DTNA: variants seen among roughly 807,000 people sequenced by gnomAD.
The protein encoded by DTNA is dystrobrevin alpha.
DTNA carries 43 observed loss-of-function variants against 100.7 expected under a neutral mutation model. The observed-to-expected ratio is 0.43, with a 90% CI of 0.33 to 0.55. The LOEUF is 0.55. DTNA is among the 20% of genes least tolerant of loss of function. The pLI is 0.04. For synonymous variants in DTNA, 349 were observed against 347.9 expected, an observed-to-expected ratio of 1.00 and a Z score of -0.04; for missense variants, 798 against 953.9, an observed-to-expected ratio of 0.84 and a Z score of 2.15.
At chr18:34,615,446 A>G (rs1379129236) in intron 1 of DTNA, among the ~76,000 whole-genome samples, 4 of 152,180 alleles carry the variant, frequency 2.6e-5, no homozygotes, top group African/African-American at 9.7e-5. Context: ...ACCTTCAGCA[A>G]CTATTACCCT....
At chr18:34,738,137 TG>T (rs2089986944) in intron 1 of DTNA, among the ~76,000 whole-genome samples, 1 of 152,222 alleles carries the variant, frequency 6.6e-6, no homozygotes. Context: ...GAGGCACATA[TG>T]AGTGAACACA....
chr18:34,828,458 C>G (rs117945601), intron 10 of DTNA, among the ~76,000 whole-genome samples: 277 of 152,152 alleles, frequency 1.8e-3, no homozygotes, highest in Non-Finnish European at 2.8e-3. Flanking sequence ...TGCCTTTCAG[C>G]AGAAAAAAAG....
rs200190237 is a variant in DTNA, at chr18:34,829,004, C to A, written c.1086-396C>A. 2,407 of 1,612,980 alleles carry A rather than the reference C, an allele frequency of 1.5e-3. 5 individuals are homozygous for A. The highest frequency in any genetic ancestry group is 7.3e-3 in the Middle Eastern group (44 of 6,062). On this transcript the variant is annotated intron_variant, in intron 10 of 22. Transcript: ENST00000444659. ...TCTGCAAATATCAAGCAGAGGTAGACCCCATCCTTACTGAAGGTCATTTTA... is the reference window on the plus strand; with the variant it reads ...TCTGCAAATATCAAGCAGAGGTAGAACCCATCCTTACTGAAGGTCATTTTA...
intron 1 of DTNA, among the ~76,000 whole-genome samples, chr18:34,592,500 A>ACG (rs1387934829): frequency 1.1e-4 from 17 of 151,286 alleles, no homozygotes; most frequent in African/African-American, 3.9e-4. Flanking sequence ...ACACACACAC[A>ACG]CACACATTTT....
At chr18:34,504,724 G>A (rs1232817909) in intron 1 of DTNA, among the ~76,000 whole-genome samples, 1 of 152,026 alleles carries the variant, frequency 6.6e-6, no homozygotes, top group Non-Finnish European at 1.5e-5. Context: ...TTTCTTCTTT[G>A]GTAAAGTAGC....
chr18:34,523,398 T>A (rs74642502), intron 1 of DTNA, among the ~76,000 whole-genome samples: 2 of 152,058 alleles, frequency 1.3e-5, no homozygotes, highest in African/African-American at 4.8e-5. Flanking sequence ...TACTTTAATA[T>A]CACCTGTGTA....
At chr18:34,730,017 C>G (rs927950992) in intron 1 of DTNA, among the ~76,000 whole-genome samples, 2 of 152,128 alleles carry the variant, frequency 1.3e-5, no homozygotes, top group Admixed American at 6.6e-5. Context: ...CATCTCTCCA[C>G]AGTTCCAAGG....
intron 1 of DTNA, among the ~76,000 whole-genome samples, chr18:34,617,761 G>GGTATCTAC (rs2055609616): frequency 6.6e-6 from 1 of 151,966 alleles, no homozygotes; most frequent in South Asian, 2.1e-4. Flanking sequence ...TTTTAATTAA[G>GGTATCTAC]GTATCTACAT....
chr18:34,861,529 A>T (rs569380524), intron 16 of DTNA, among the ~76,000 whole-genome samples: 1 of 151,384 alleles, frequency 6.6e-6, no homozygotes, highest in East Asian at 1.9e-4. Flanking sequence ...GTAGGTTTTA[A>T]CACACATATA....
chr18:34,537,766 A>G (rs1025062312), intron 1 of DTNA, among the ~76,000 whole-genome samples: 1 of 151,986 alleles, frequency 6.6e-6, no homozygotes, highest in African/African-American at 2.4e-5. Context: ...GAGGAATAAG[A>G]TGGGGAAATG....
rs1432704587 is a variant in DTNA, at chr18:34,816,013, T to C, written c.708T>C (p.Asn236=). The C allele has an allele frequency of 6.2e-7, 1 of 1,613,138 alleles. No homozygotes were observed. The highest frequency in any genetic ancestry group is 1.7e-5 in the Admixed American group (1 of 59,982). Residue 236 remains asparagine (N), a splice_region_variant and synonymous_variant, in exon 7 of 23, where the codon AAT becomes AAC. Transcript: ENST00000444659. ...PLLHRLANVE[N]VFHPVECSYC... is the part of the protein sequence containing the mutation. ...TGCATCGACTAGCAAATGTGGAAAA[T>C]GGTGAGTAGTTACTAAGGAGCAAAG... is the stretch of plus-strand genomic sequence containing the variant.
In DTNA at chr18:34,713,608, C is replaced by T. The variant is rs982433264; in HGVS notation, c.-2+3163C>T. Among the ~76,000 whole-genome samples the T allele has an allele frequency of 5.2e-4, 79 of 151,466 alleles. 1 individual carries two copies. The highest frequency in any genetic ancestry group is 1.8e-3 in the African/African-American group (74 of 41,210). ...TTCTTTTGGCTTAGGATTGACTTGG[C>T]GATGCGGGCTCTTTTTTGGTTCCAT... On this transcript the variant is annotated intron_variant, in intron 1 of 22. Coordinates refer to ENST00000444659, the MANE Select transcript of DTNA (RefSeq NM_001386795.1).
intron 3 of DTNA, among the ~76,000 whole-genome samples, chr18:34,793,699 T>C (rs899502963): frequency 1.3e-5 from 2 of 152,202 alleles, no homozygotes; most frequent in African/African-American, 2.4e-5. Context: ...AGTCTTGCCA[T>C]TGACTCCTCT....
At chr18:34,494,090 G>T (rs538494381) in intron 1 of DTNA, 1 of 151,964 alleles carries the variant, frequency 6.6e-6, no homozygotes, top group Non-Finnish European at 1.5e-5. Flanking sequence ...GCGCCGCTCG[G>T]GGGGTGGCTA....
intron 1 of DTNA, among the ~76,000 whole-genome samples, chr18:34,571,108 A>T (rs551485955): frequency 6.6e-6 from 1 of 152,200 alleles, no homozygotes; most frequent in Non-Finnish European, 1.5e-5. Context: ...CCAACAGAAC[A>T]GCAAAAAATT....
chr18:34,756,879 C>T (rs2092812729), intron 2 of DTNA, among the ~76,000 whole-genome samples: 1 of 152,122 alleles, frequency 6.6e-6, no homozygotes. Context: ...ATCTCTTCTT[C>T]CTGCATACGG....
chr18:34,766,539 G>A (rs1369996332), intron 3 of DTNA, among the ~76,000 whole-genome samples: 1 of 151,924 alleles, frequency 6.6e-6, no homozygotes, highest in Non-Finnish European at 1.5e-5. Context: ...GGGAGGAAGG[G>A]GGAGGGATAG....
At chr18:34,587,297 C>T (rs2685559) in intron 1 of DTNA, among the ~76,000 whole-genome samples, 39,892 of 151,866 alleles carry the variant, frequency 0.26, 7,128 homozygotes, top group African/African-American at 0.5. Context: ...CAAAACATCC[C>T]TAACTTGGTG....
chr18:34,792,093 G>GT (rs56247493), intron 3 of DTNA, among the ~76,000 whole-genome samples: 11 of 148,250 alleles, frequency 7.4e-5, no homozygotes, highest in Non-Finnish European at 1.2e-4. Flanking sequence ...GTAACCTGTT[G>GT]TTTTTTTTTT....
Sources: gnomAD v4.1 joint callset for allele counts (sites outside exome capture counted in the v4.1 genomes callset) on GRCh38, gnomAD v4.1.1 for gene constraint, MANE v1.5 for transcripts, NCBI Gene and HGNC (gene_info 2026-07-23, HGNC 2026-07-21) for gene names.